Variants in TRDMT1 observed in about 807,000 individuals in gnomAD.
TRDMT1 encodes tRNA aspartic acid methyltransferase 1.
TRDMT1 carries 49 observed loss-of-function variants against 51.2 expected under a neutral mutation model. The ratio of observed to expected loss-of-function variants is 0.96; its 90% CI spans 0.76 to 1.21. The LOEUF is 1.21. TRDMT1 is among the 50% of genes most tolerant of loss of function. The pLI, the probability that TRDMT1 is intolerant of heterozygous loss-of-function variation, is 0.00. For missense variants in TRDMT1, 534 were observed against 462.3 expected (o/e 1.16, Z -1.42); for synonymous variants, 187 against 164.6 (o/e 1.14, Z -1.04).
At position 17,143,299 on chromosome 10, in the gene TRDMT1, G is replaced by A. The variant is rs1313319536; in HGVS notation, c.*5741C>T. 7.1e-6 allele frequency: 7 copies of A among 984,478 alleles called. No homozygotes were observed. Among genetic ancestry groups the A allele is most frequent in the African/African-American group, 1.7e-5 (1 of 57,200 alleles). 61.0% of individuals were successfully genotyped at this position (984,478 alleles called of 1,614,324 possible). A position where few individuals can be genotyped will look rare whatever the true frequency, so the allele number is the denominator to read the frequency against. ...TGTTTTAAGTCACTGGGGGGACAACGTATTAACAATCTCTGCCCTTGTGGA... is the reference window on the plus strand; with the variant it reads ...TGTTTTAAGTCACTGGGGGGACAACATATTAACAATCTCTGCCCTTGTGGA... On this transcript the variant is annotated 3_prime_UTR_variant, in exon 11 of 11. Transcript: ENST00000377799.
intron 3 of TRDMT1, among the ~76,000 whole-genome samples, chr10:17,163,320 G>C (rs1189650992): frequency 6.6e-6 from 1 of 152,062 alleles, no homozygotes; most frequent in African/African-American, 2.4e-5. Flanking sequence ...CAGAAATGAA[G>C]ACTTGAATTG....
At chr10:17,159,329 G>T in intron 6 of TRDMT1, 100 bp from the exon 7 acceptor site, 1 of 750,732 alleles carries the variant, frequency 1.3e-6, no homozygotes, top group Non-Finnish European at 2.1e-6. Context: ...ACTCAAACGA[G>T]CCTACATTTA....
At chr10:17,199,378 G>A (rs769681990) in intron 1 of TRDMT1, among the ~76,000 whole-genome samples, 1 of 152,156 alleles carries the variant, frequency 6.6e-6, no homozygotes, top group African/African-American at 2.4e-5. Context: ...ACCGAAGCTA[G>A]AGTGAAAAAG....
At chr10:17,160,917 G>C (rs559822029) in intron 5 of TRDMT1, among the ~76,000 whole-genome samples, 16 of 152,190 alleles carry the variant, frequency 1.1e-4, no homozygotes, top group Non-Finnish European at 1.8e-4. Flanking sequence ...AAAGCTGCCA[G>C]ATAAATTATC....
In TRDMT1 at chr10:17,201,486, C is replaced by T; in HGVS notation, c.64+85G>A. The T allele has an allele frequency of 3.0e-6, 3 of 1,011,944 alleles. No individual in the cohort carries two copies. The South Asian group carries it at 4.4e-5, about 15-fold the overall frequency. 62.7% of individuals were successfully genotyped at this position (1,011,944 alleles called of 1,614,324 possible). A position where few individuals can be genotyped will look rare whatever the true frequency, so the allele number is the denominator to read the frequency against. Reference sequence around the variant, plus strand: ...GCCCCACAGTGTCCGCCCCTTGCGTCTCGCCGCTCCGCCCCTTCCCGGCGC... The same window carrying T: ...GCCCCACAGTGTCCGCCCCTTGCGTTTCGCCGCTCCGCCCCTTCCCGGCGC... On this transcript the variant is annotated intron_variant, in intron 1 of 10. Transcript: ENST00000377799.
intron 2 of TRDMT1, among the ~76,000 whole-genome samples, chr10:17,170,945 A>T (rs1373617122): frequency 1.3e-5 from 2 of 152,132 alleles, no homozygotes; most frequent in African/African-American, 4.8e-5. Context: ...ACTCAATCAC[A>T]TTTTTAAATA....
chr10:17,192,754 G>A (rs1402495106), intron 1 of TRDMT1, among the ~76,000 whole-genome samples: 1 of 152,168 alleles, frequency 6.6e-6, no homozygotes, highest in Non-Finnish European at 1.5e-5. Context: ...GTTGTGTGGA[G>A]AGTTTCTAAA....
At chr10:17,160,227 T>C (rs11254412) in intron 6 of TRDMT1, 78 bp downstream of exon 6, 132,071 of 939,576 alleles carry the variant, frequency 0.14, 9,886 homozygotes, top group Admixed American at 0.18. Flanking sequence ...GCCATTCTGC[T>C]TATCGAATCA....
intron 1 of TRDMT1, among the ~76,000 whole-genome samples, chr10:17,199,268 A>G (rs1471386834): frequency 6.6e-6 from 1 of 152,206 alleles, no homozygotes; most frequent in Non-Finnish European, 1.5e-5. Context: ...TTCCACCGAA[A>G]AGATGAGAGA....
Position 17,145,316 on chromosome 10 carries a change from T to C in TRDMT1, c.*3724A>G, listed in dbSNP as rs932930172. 2.0e-6 allele frequency: 2 copies of C among 984,952 alleles called. No individual in the cohort carries two copies. Among genetic ancestry groups the C allele is most frequent in the African/African-American group, 3.5e-5 (2 of 57,108 alleles). The allele number at this position is 984,952 out of a possible 1,614,324, so 61.0% of individuals were successfully genotyped here. On this transcript the variant is annotated 3_prime_UTR_variant, in exon 11 of 11. Transcript: ENST00000377799. The stretch of plus-strand genomic sequence containing the variant: ...AAGGGAAACTCTCAAATGAAAGGCA[T>C]AACTAGACATCTTGGTGGGTGTGAC...
Position 17,148,790 on chromosome 10 carries a change from T to C in TRDMT1, c.*250A>G. The stretch of plus-strand genomic sequence containing the variant: ...TTGTTTTTAAAAAGAATATTCCACA[T>C]ATATATTTATCAGTTTCATATGAAA... On this transcript the variant is annotated 3_prime_UTR_variant, in exon 11 of 11. Transcript: ENST00000377799. The C allele has an allele frequency of 2.8e-6, 3 of 1,064,448 alleles. No homozygotes were observed. Among genetic ancestry groups the C allele is most frequent in the Non-Finnish European group, 3.5e-6 (3 of 867,312 alleles). The allele number at this position is 1,064,448 out of a possible 1,614,324, so 65.9% of individuals were successfully genotyped here. A position where few individuals can be genotyped will look rare whatever the true frequency, so the allele number is the denominator to read the frequency against.
rs2131367373 is a variant in TRDMT1, at chr10:17,149,237, ATAAG to A, written c.1076-101_1076-98del. Reference sequence around the variant, plus strand: ...TTAGTAAGGGCACAGCGGTCATTTCATAAGTAAATCACTAAGGTCTCCATGAAGT... The same window carrying A: ...TTAGTAAGGGCACAGCGGTCATTTCATAAATCACTAAGGTCTCCATGAAGT... On this transcript the variant is annotated intron_variant, in intron 10 of 10. Coordinates refer to ENST00000377799, the MANE Select transcript of TRDMT1 (RefSeq NM_004412.7). The A allele has an allele frequency of 3.3e-6, 3 of 909,044 alleles. No individual in the cohort carries two copies. The South Asian group carries it at 4.6e-5, about 14-fold the overall frequency. 56.3% of individuals were successfully genotyped at this position (909,044 alleles called of 1,614,324 possible).
At chr10:17,173,972 C>T (rs902045209) in intron 2 of TRDMT1, among the ~76,000 whole-genome samples, 6 of 152,058 alleles carry the variant, frequency 3.9e-5, no homozygotes, top group African/African-American at 1.2e-4. Flanking sequence ...GCTATGTCAG[C>T]CAGGCTGGTC....
intron 8 of TRDMT1, among the ~76,000 whole-genome samples, chr10:17,156,564 C>T (rs1284109174): frequency 6.6e-6 from 1 of 152,010 alleles, no homozygotes; most frequent in African/African-American, 2.4e-5. Flanking sequence ...TCTAATTTTC[C>T]CCTTTCTAGG....
intron 1 of TRDMT1, among the ~76,000 whole-genome samples, chr10:17,191,509 T>G (rs981438333): frequency 6.6e-6 from 1 of 151,694 alleles, no homozygotes; most frequent in African/African-American, 2.4e-5. Context: ...AAGGAGGGAG[T>G]GCATTAGCAC....
intron 1 of TRDMT1, among the ~76,000 whole-genome samples, chr10:17,199,837 A>C (rs1845921093): frequency 6.6e-6 from 1 of 152,240 alleles, no homozygotes; most frequent in Admixed American, 6.5e-5. Context: ...TCACAACAGT[A>C]GAACTGGCAA....
intron 2 of TRDMT1, among the ~76,000 whole-genome samples, chr10:17,170,214 T>C (rs1255323561): frequency 1.3e-5 from 2 of 152,208 alleles, no homozygotes; most frequent in African/African-American, 4.8e-5. Context: ...GTGATTTTTT[T>C]AATAGTGTAG....
At position 17,147,003 on chromosome 10, in the gene TRDMT1, T is replaced by C; in HGVS notation, c.*2037A>G. The C allele has an allele frequency of 2.0e-6, 2 of 985,572 alleles. No individual in the cohort carries two copies. The highest frequency in any genetic ancestry group is 2.4e-6 in the Non-Finnish European group (2 of 829,918). 61.1% of individuals were successfully genotyped at this position (985,572 alleles called of 1,614,324 possible). A position where few individuals can be genotyped will look rare whatever the true frequency, so the allele number is the denominator to read the frequency against. On this transcript the variant is annotated 3_prime_UTR_variant, in exon 11 of 11. Coordinates refer to ENST00000377799, the MANE Select transcript of TRDMT1 (RefSeq NM_004412.7). ...TTAAGAATTCCACTAAGCTACATTC[T>C]GTCTACCAGTTTGTAAGCAAATGTC...
chr10:17,152,103 A>G, intron 10 of TRDMT1: 1 of 1,294,632 alleles, frequency 7.7e-7, no homozygotes, highest in Non-Finnish European at 1.0e-6. Flanking sequence ...TGCTCATCTG[A>G]AAAAAGGAAA....
Sources: gnomAD v4.1 joint callset for allele counts (sites outside exome capture counted in the v4.1 genomes callset) on GRCh38, gnomAD v4.1.1 for gene constraint, MANE v1.5 for transcripts, NCBI Gene and HGNC (gene_info 2026-07-23, HGNC 2026-07-21) for gene names.